LYPLA1: variants seen among roughly 807,000 people sequenced by gnomAD.
LYPLA1 encodes the protein acyl-protein thioesterase 1.
A neutral mutation model predicts 34.0 loss-of-function variants in LYPLA1; 17 were observed. The observed-to-expected ratio is 0.50, with a 90% CI of 0.34 to 0.75. LYPLA1 has a LOEUF of 0.75. Among genes scored for constraint, LYPLA1 ranks in the 30% least tolerant of loss-of-function variants. The pLI, the probability that LYPLA1 is intolerant of heterozygous loss-of-function variation, is 0.01. For missense variants in LYPLA1, 203 were observed against 288.8 expected, an observed-to-expected ratio of 0.70 and a Z score of 2.15; for synonymous variants, 98 against 100.8, an observed-to-expected ratio of 0.97 and a Z score of 0.17.
chr8:54,067,969 G>A (rs929782452), intron 2 of LYPLA1, among the ~76,000 whole-genome samples: 1 of 151,990 alleles, frequency 6.6e-6, no homozygotes, highest in African/African-American at 2.4e-5. Context: ...TTACAGGCGT[G>A]AGCCACCATG....
At chr8:54,077,665 ATTC>A (rs1190300280) in intron 2 of LYPLA1, among the ~76,000 whole-genome samples, 1 of 152,196 alleles carries the variant, frequency 6.6e-6, no homozygotes, top group Non-Finnish European at 1.5e-5. Flanking sequence ...TAAAAAGTTT[ATTC>A]TTCTGAAAAT....
intron 2 of LYPLA1, among the ~76,000 whole-genome samples, chr8:54,083,564 C>G (rs917860174): frequency 6.6e-6 from 1 of 152,138 alleles, no homozygotes; most frequent in Admixed American, 6.5e-5. Context: ...TTAGGCTTTA[C>G]CAGCCAGAAG....
At chr8:54,059,215 A>G (rs1043031057) in intron 5 of LYPLA1, among the ~76,000 whole-genome samples, 6 of 152,120 alleles carry the variant, frequency 3.9e-5, no homozygotes, top group Non-Finnish European at 8.8e-5. Context: ...TTCTAACTCT[A>G]ATCTACTTTT....
At chr8:54,092,256 GAGA>G (rs1312610384) in intron 2 of LYPLA1, among the ~76,000 whole-genome samples, 4 of 150,464 alleles carry the variant, frequency 2.7e-5, no homozygotes, top group East Asian at 2.0e-4. Context: ...GGAAGAGAAG[GAGA>G]AGGAGGAGAA....
intron 2 of LYPLA1, among the ~76,000 whole-genome samples, chr8:54,070,903 A>C (rs1448479626): frequency 6.6e-6 from 1 of 152,216 alleles, no homozygotes; most frequent in Non-Finnish European, 1.5e-5. Flanking sequence ...TGAGGCAATG[A>C]AAATGTTCTA....
intron 2 of LYPLA1, among the ~76,000 whole-genome samples, chr8:54,096,966 T>C (rs935409617): frequency 6.6e-6 from 1 of 151,628 alleles, no homozygotes; most frequent in African/African-American, 2.4e-5. Context: ...CCATACTAAC[T>C]AAATGGGGAG....
chr8:54,081,541 G>A (rs950797946), intron 2 of LYPLA1, among the ~76,000 whole-genome samples: 8 of 151,816 alleles, frequency 5.3e-5, no homozygotes, highest in African/African-American at 1.5e-4. Flanking sequence ...TTCGCATCCC[G>A]GGTTTAAGCG....
chr8:54,052,724 G>C lies in LYPLA1; in HGVS notation c.393C>G (p.Thr131=), dbSNP rs1805931167. 6.2e-7 allele frequency: 1 copy of C among 1,613,722 alleles called. No individual in the cohort carries two copies. The highest frequency in any genetic ancestry group is 2.2e-5 in the East Asian group (1 of 44,882). The change falls in exon 7 of 9, where the codon ACC becomes ACG. Residue 131 remains threonine (T), a synonymous_variant. Transcript: ENST00000316963. ...TGACACCTGCCAGTTTCTGCTGTGT[G>C]GTAAGGGCAGTATATAAAGATAAAG... ...GGALSLYTAL[T]TQQKLAGVTA...
chr8:54,085,342 C>T (rs1808633918), intron 2 of LYPLA1, among the ~76,000 whole-genome samples: 2 of 152,218 alleles, frequency 1.3e-5, no homozygotes, highest in South Asian at 4.1e-4. Flanking sequence ...ACTATAACCT[C>T]CACCTCCCAG....
chr8:54,072,248 C>G (rs1007375723), intron 2 of LYPLA1, among the ~76,000 whole-genome samples: 1 of 152,120 alleles, frequency 6.6e-6, no homozygotes. Context: ...AAGATGGATT[C>G]AAGACTTAAA....
At position 54,073,368 on chromosome 8, in the gene LYPLA1, C is replaced by T. The variant is rs1397775656; in HGVS notation, c.102-7555G>A. 3 of 795,848 alleles carry T rather than the reference C, an allele frequency of 3.8e-6. No individual in the cohort carries two copies. The South Asian group carries it at 4.0e-5, about 11-fold the overall frequency. The allele number at this position is 795,848 out of a possible 1,614,324, so 49.3% of individuals were successfully genotyped here. On this transcript the variant is annotated intron_variant, in intron 2 of 8. Coordinates refer to ENST00000316963, the MANE Select transcript of LYPLA1 (RefSeq NM_006330.4). ...AGAACTGTGGGTCTGTGCCCCATGA[C>T]ACCTGGCTGCCCAAGAAGTGTTCCA...
chr8:54,071,494 G>A (rs1472911743), intron 2 of LYPLA1, among the ~76,000 whole-genome samples: 3 of 152,074 alleles, frequency 2.0e-5, no homozygotes, highest in African/African-American at 7.2e-5. Flanking sequence ...CAGGGTGGGG[G>A]CGTGGACAAG....
intron 2 of LYPLA1, among the ~76,000 whole-genome samples, chr8:54,091,581 AAAGGAAGGAAGGAAGGAAGGAAGG>A (rs200125817): frequency 7.0e-6 from 1 of 142,270 alleles, no homozygotes; most frequent in Non-Finnish European, 1.5e-5. Context: ...GAAAGAAAGA[AAAGGAAGGAAGGAAGGAAGGAAGG>A]AAGGAAGGAA....
intron 2 of LYPLA1, among the ~76,000 whole-genome samples, chr8:54,067,611 C>T (rs1340735873): frequency 1.3e-5 from 2 of 151,634 alleles, no homozygotes; most frequent in Non-Finnish European, 2.9e-5. Context: ...ATACTTGATG[C>T]TTTTTACATA....
At chr8:54,087,072 A>G (rs868542769) in intron 2 of LYPLA1, among the ~76,000 whole-genome samples, 10 of 152,190 alleles carry the variant, frequency 6.6e-5, no homozygotes, top group African/African-American at 1.2e-4. Flanking sequence ...TCCAGATAGG[A>G]AAGGAATCAG....
At chr8:54,062,497 T>TTATTTATG (rs1806726952) in intron 4 of LYPLA1, among the ~76,000 whole-genome samples, 173 bp from the exon 5 acceptor site, 1 of 146,066 alleles carries the variant, frequency 6.8e-6, no homozygotes, top group African/African-American at 2.5e-5. Flanking sequence ...CACTATTTAT[T>TTATTTATG]TATTTATTTA....
intron 2 of LYPLA1, among the ~76,000 whole-genome samples, chr8:54,084,690 T>C (rs944112333): frequency 1.3e-5 from 2 of 152,126 alleles, no homozygotes; most frequent in African/African-American, 4.8e-5. Context: ...CTCAAATTAT[T>C]ACAATCAGGA....
At chr8:54,091,488 AAAAAG>A (rs1174255787) in intron 2 of LYPLA1, among the ~76,000 whole-genome samples, 14 of 151,816 alleles carry the variant, frequency 9.2e-5, no homozygotes, top group East Asian at 5.8e-4. Flanking sequence ...ACTGTCTCAA[AAAAAG>A]AAAAGAAAAG....
chr8:54,087,471 G>C (rs1334405177), intron 2 of LYPLA1, among the ~76,000 whole-genome samples: 1 of 152,202 alleles, frequency 6.6e-6, no homozygotes, highest in African/African-American at 2.4e-5. Context: ...CTATATTCCA[G>C]CCTGGGCTAC....
Sources: gnomAD v4.1 joint callset for allele counts (sites outside exome capture counted in the v4.1 genomes callset) on GRCh38, gnomAD v4.1.1 for gene constraint, MANE v1.5 for transcripts, NCBI Gene and HGNC (gene_info 2026-07-23, HGNC 2026-07-21) for gene names.